LVRN: variants seen among roughly 807,000 people sequenced by gnomAD.
The protein encoded by LVRN is aminopeptidase Q.
In LVRN, 99 loss-of-function variants were observed where a neutral mutation model predicts 111.4. The ratio of observed to expected loss-of-function variants is 0.89; its 90% CI spans 0.76 to 1.05. The LOEUF is 1.05. Ranked by LOEUF, LVRN falls within the 50% of genes least tolerant of loss-of-function variation. LVRN has a pLI of 0.00. For missense variants in LVRN, 1,414 were observed against 1,206.8 expected, an observed-to-expected ratio of 1.17 and a Z score of -2.54; for synonymous variants, 488 against 449.5, an observed-to-expected ratio of 1.09 and a Z score of -1.08.
At chr5:115,982,511 G>A (rs1341226759) in intron 1 of LVRN, among the ~76,000 whole-genome samples, 2 of 152,046 alleles carry the variant, frequency 1.3e-5, no homozygotes, top group African/African-American at 4.8e-5. Flanking sequence ...GAGACTGCAG[G>A]GTTTTTTTGT....
At chr5:116,017,439 G>A (rs138614859) in intron 18 of LVRN, among the ~76,000 whole-genome samples, 12 of 152,268 alleles carry the variant, frequency 7.9e-5, no homozygotes, top group East Asian at 1.9e-4. Context: ...TTCTAGAATC[G>A]GGGCATGGGG....
chr5:115,977,165 G>A (rs1753466987), intron 1 of LVRN, among the ~76,000 whole-genome samples: 1 of 152,042 alleles, frequency 6.6e-6, no homozygotes, highest in Non-Finnish European at 1.5e-5. Flanking sequence ...AAGACTTGAG[G>A]GGAATCCTAT....
chr5:115,997,464 G>A (rs1748140128), intron 6 of LVRN, among the ~76,000 whole-genome samples: 1 of 152,132 alleles, frequency 6.6e-6, no homozygotes, highest in Non-Finnish European at 1.5e-5. Context: ...AGGAGTTTAA[G>A]ACCAGCCTGG....
rs150582841 is a variant in LVRN, at chr5:116,015,745, C to T, written c.2736C>T (p.Asn912=). Residue 912 remains asparagine (N), a synonymous_variant, in exon 18 of 20, where the codon AAC becomes AAT. Coordinates refer to ENST00000357872, the MANE Select transcript of LVRN (RefSeq NM_173800.5). The part of the protein sequence containing the change: ...RYVAKDFLVN[N]WQAVSKRYGT... Reference sequence around the variant, plus strand: ...TCGCAAAAGACTTCTTAGTCAACAACTGGCAAGCTGTGAGTAAAAGGTAAG... The same window carrying T: ...TCGCAAAAGACTTCTTAGTCAACAATTGGCAAGCTGTGAGTAAAAGGTAAG... 3.1e-6 allele frequency: 5 copies of T among 1,613,422 alleles called. No individual in the cohort carries two copies. Among genetic ancestry groups the T allele is most frequent in the Non-Finnish European group, 4.2e-6 (5 of 1,179,602 alleles).
chr5:116,018,367 T>C lies in LVRN; in HGVS notation c.2756+2602T>C, dbSNP rs542172828. Reference sequence around the variant, plus strand: ...ACTGAAAATATTTAATCTTTTAATGTGTTCTTAACTAATGCCTCATCTACA... The same window carrying C: ...ACTGAAAATATTTAATCTTTTAATGCGTTCTTAACTAATGCCTCATCTACA... On this transcript the variant is annotated intron_variant, in intron 18 of 19. Coordinates refer to ENST00000357872, the MANE Select transcript of LVRN (RefSeq NM_173800.5). 4.5e-4 allele frequency among the ~76,000 whole-genome samples: 69 copies of C among 152,292 alleles called. 1 individual carries two copies. The South Asian group carries it at 0.013, about 30-fold the overall frequency.
chr5:115,963,758 C>T (rs183422770), intron 1 of LVRN, among the ~76,000 whole-genome samples: 3 of 152,338 alleles, frequency 2.0e-5, no homozygotes, highest in African/African-American at 4.8e-5. Flanking sequence ...TTTCCTATAA[C>T]CTTGCTCCGA....
At chr5:116,025,586 A>G (rs1401574263) in intron 19 of LVRN, among the ~76,000 whole-genome samples, 1 of 152,214 alleles carries the variant, frequency 6.6e-6, no homozygotes, top group African/African-American at 2.4e-5. Context: ...AATATTATGT[A>G]CCAATTTTGA....
intron 16 of LVRN, 136 bp downstream of exon 16, chr5:116,014,663 A>G (rs1748562233): frequency 2.9e-6 from 2 of 692,188 alleles, no homozygotes; most frequent in South Asian, 3.4e-5. Context: ...TTCTTTTCAA[A>G]TACCTTTTTT....
chr5:116,005,739 T>C (rs1176026543), intron 12 of LVRN, 173 bp from the exon 13 acceptor site: 2 of 680,452 alleles, frequency 2.9e-6, no homozygotes, highest in African/African-American at 3.5e-5. Context: ...AACATATGTA[T>C]GATAAATAAA....
intron 15 of LVRN, among the ~76,000 whole-genome samples, chr5:116,013,644 G>A (rs185752564): frequency 3.7e-4 from 57 of 152,212 alleles, no homozygotes; most frequent in African/African-American, 1.3e-3. Context: ...CAGCTTATCA[G>A]AAGGTCAGGC....
chr5:115,987,923 C>T lies in LVRN; in HGVS notation c.1089C>T (p.Tyr363=). 6.2e-7 allele frequency: 1 copy of T among 1,610,868 alleles called. No individual in the cohort carries two copies. Among genetic ancestry groups the T allele is most frequent in the Admixed American group, 1.7e-5 (1 of 59,338 alleles). ...SFLEDLFNIS[Y]SLPKTDIIAL... Reference sequence around the variant, plus strand: ...TGGAGGATTTGTTTAATATCAGTTACTCTCTTCCAAAAACAGGTGAGGTAA... The same window carrying T: ...TGGAGGATTTGTTTAATATCAGTTATTCTCTTCCAAAAACAGGTGAGGTAA... The change falls in exon 4 of 20, where the codon TAC becomes TAT. Residue 363 remains tyrosine (Y), a synonymous_variant. Transcript: ENST00000357872.
In LVRN at chr5:116,010,766, G is replaced by C. The variant is rs755367015; in HGVS notation, c.2119G>C (p.Ala707Pro). 8 of 1,603,810 alleles carry C rather than the reference G, an allele frequency of 5.0e-6. No homozygotes were observed. The East Asian group carries it at 1.8e-4, about 36-fold the overall frequency. Reference protein sequence around the residue: ...SKNNYIEIETALELTKYLAEE... With the variant: ...SKNNYIEIETPLELTKYLAEE... ...AAACAATTATATTGAGATTGAAACA[G>C]CACTTGAGTTAACCAAGTACCTTGC... is the stretch of plus-strand genomic sequence containing the variant. Residue 707 changes from alanine (A) to proline (P), a missense_variant, in exon 14 of 20, where the codon GCA (alanine) becomes CCA (proline). Transcript: ENST00000357872.
intron 1 of LVRN, among the ~76,000 whole-genome samples, chr5:115,974,293 T>C (rs1253392303): frequency 3.9e-5 from 6 of 152,204 alleles, no homozygotes; most frequent in Non-Finnish European, 8.8e-5. Flanking sequence ...GTCATACCAA[T>C]CTATACACCT....
At chr5:115,987,331 TA>T (rs1254992500) in intron 3 of LVRN, among the ~76,000 whole-genome samples, 1 of 152,230 alleles carries the variant, frequency 6.6e-6, no homozygotes, top group African/African-American at 2.4e-5. Context: ...ATTTTGTAAG[TA>T]AAGTAGGACT....
Position 116,002,872 on chromosome 5 carries a change from G to C in LVRN, c.1858G>C (p.Gly620Arg), listed in dbSNP as rs1170433262. ...WIVPILWIKNGTTQPLVWLDQ... is the reference protein window; with the variant it reads ...WIVPILWIKNRTTQPLVWLDQ... ...TGTCCCTATTCTTTGGATAAAAAAT[G>C]GAACTACACAACCTTTAGTCTGGCT... The change falls in exon 11 of 20, where the codon GGA becomes CGA. Residue 620 changes from glycine (G) to arginine (R), a missense_variant. Gly to Arg is a moderately radical substitution (Grantham distance 125). Coordinates refer to ENST00000357872, the MANE Select transcript of LVRN (RefSeq NM_173800.5). The C allele has an allele frequency of 6.2e-7, 1 of 1,611,024 alleles. No individual in the cohort carries two copies. The highest frequency in any genetic ancestry group is 8.5e-7 in the Non-Finnish European group (1 of 1,178,000).
At chr5:116,014,966 C>G (rs944141310) in intron 16 of LVRN, among the ~76,000 whole-genome samples, 2 of 152,064 alleles carry the variant, frequency 1.3e-5, no homozygotes, top group African/African-American at 4.8e-5. Flanking sequence ...CTCGGATGGA[C>G]TCTTAGGAAA....
intron 12 of LVRN, 71 bp downstream of exon 12, chr5:116,003,451 C>A: frequency 2.9e-6 from 3 of 1,042,104 alleles, no homozygotes; most frequent in Non-Finnish European, 3.9e-6. Flanking sequence ...AGAAGTTGAA[C>A]ATTCTGGTGG....
Position 115,993,654 on chromosome 5 carries a change from C to T in LVRN, c.1261-87C>T, listed in dbSNP as rs1748043704. On this transcript the variant is annotated intron_variant, in intron 5 of 19. Coordinates refer to ENST00000357872, the MANE Select transcript of LVRN (RefSeq NM_173800.5). ...ATAAATTTTAATTATGTCTTTTGAC[C>T]TTACATTTACTTAACATGCAATTAC... 8 of 827,152 alleles carry T rather than the reference C, an allele frequency of 9.7e-6. No homozygotes were observed. In the Admixed American group the frequency reaches 1.1e-4, roughly 11 times the overall value. 51.2% of individuals were successfully genotyped at this position (827,152 alleles called of 1,614,324 possible). A position where few individuals can be genotyped will look rare whatever the true frequency, so the allele number is the denominator to read the frequency against.
rs1238713956 is a variant in LVRN at position 115,963,237 on chromosome 5, G to C, written c.620G>C (p.Ser207Thr). Residue 207 changes from serine to threonine, a missense_variant, in exon 1 of 20, where the codon AGC becomes ACC. Ser to Thr is a moderately conservative substitution (Grantham distance 58, BLOSUM62 1). Transcript: ENST00000357872. ...KPGSSYELQL[S>T]FSGLVKEDLR... is the part of the protein sequence containing the mutation. Reference sequence around the variant, plus strand: ...GGTAGCAGCTACGAGCTGCAGCTTAGCTTCTCGGGCCTGGTGAAGGAAGAC... The same window carrying C: ...GGTAGCAGCTACGAGCTGCAGCTTACCTTCTCGGGCCTGGTGAAGGAAGAC... 1 of 1,612,880 alleles carries C rather than the reference G, an allele frequency of 6.2e-7. No homozygotes were observed. Among genetic ancestry groups the C allele is most frequent in the Admixed American group, 1.7e-5 (1 of 60,006 alleles).
Sources: gnomAD v4.1 joint callset for allele counts (sites outside exome capture counted in the v4.1 genomes callset) on GRCh38, gnomAD v4.1.1 for gene constraint, MANE v1.5 for transcripts, NCBI Gene and HGNC (gene_info 2026-07-23, HGNC 2026-07-21) for gene names.